Variants in SYNE1 observed in about 807,000 individuals in gnomAD.
The protein encoded by SYNE1 is spectrin repeat containing nuclear envelope protein 1, also known as nesprin-1.
Under a neutral mutation model 1,111.0 loss-of-function variants are expected in SYNE1, and 616 were observed. That is an observed-to-expected ratio of 0.55 (90% CI 0.52 to 0.59). The LOEUF (loss-of-function observed/expected upper bound fraction) is 0.59. Ranked by LOEUF, SYNE1 falls within the 20% of genes least tolerant of loss-of-function variation. The probability of loss-of-function intolerance (pLI) is 0.00; values close to 1 mark genes in which losing one functional copy is unlikely to be tolerated. For synonymous variants in SYNE1, 3,855 were observed against 3,825.8 expected (o/e 1.01, Z -0.28); for missense variants, 10,006 against 10,417.0 (o/e 0.96, Z 1.72).
intron 64 of SYNE1, among the ~76,000 whole-genome samples, 199 bp from the exon 65 acceptor site, chr6:152,359,657 T>A (rs890639007): frequency 1.3e-5 from 2 of 151,978 alleles, no homozygotes; most frequent in African/African-American, 4.8e-5. Context: ...TGTGTGTATT[T>A]TATGTCTGGT....
chr6:152,441,940 G>A, intron 31 of SYNE1, 135 bp downstream of exon 31: 1 of 1,066,900 alleles, frequency 9.4e-7, no homozygotes, highest in South Asian at 1.3e-5. Flanking sequence ...TTAAAAGATG[G>A]TTCATGTACA....
intron 3 of SYNE1, among the ~76,000 whole-genome samples, chr6:152,596,333 C>T (rs1161718888): frequency 6.8e-6 from 1 of 146,522 alleles, no homozygotes; most frequent in South Asian, 2.1e-4. Context: ...CTCACTGAAA[C>T]CTTCACCTCC....
chr6:152,610,089 C>T (rs2623977), intron 3 of SYNE1, among the ~76,000 whole-genome samples: 108,876 of 152,106 alleles, frequency 0.72, 39,063 homozygotes, highest in East Asian at 0.81. Context: ...GCCTCTTCTC[C>T]TCCAAAGGAT....
intron 3 of SYNE1, among the ~76,000 whole-genome samples, chr6:152,541,321 T>C (rs184222131): frequency 1.2e-4 from 19 of 152,336 alleles, no homozygotes; most frequent in Admixed American, 1.2e-3. Context: ...TTTATGGTTC[T>C]TCTGGTAGAG....
At chr6:152,262,927 C>T (rs940138724) in intron 100 of SYNE1, among the ~76,000 whole-genome samples, 5 of 150,166 alleles carry the variant, frequency 3.3e-5, no homozygotes, top group Admixed American at 2.0e-4. Flanking sequence ...GAAGGTAGCA[C>T]AGGACACGGG....
chr6:152,210,991 A>C (rs1285928185), intron 124 of SYNE1, among the ~76,000 whole-genome samples: 1 of 152,194 alleles, frequency 6.6e-6, no homozygotes, highest in Non-Finnish European at 1.5e-5. Context: ...TACTGACTGA[A>C]AACCAGACAT....
intron 130 of SYNE1, among the ~76,000 whole-genome samples, chr6:152,167,129 T>G (rs1186224636): frequency 6.6e-6 from 1 of 152,220 alleles, no homozygotes; most frequent in African/African-American, 2.4e-5. Flanking sequence ...CAGCTTATGG[T>G]TCTTTCACAG....
rs562448987 is a variant in SYNE1 at position 152,627,930 on chromosome 6, T to C, written c.67+335A>G. Reference sequence around the variant, plus strand: ...CATAATCTATCAAAACAACTGAGGATGTATTGTCACTGGTATTATTGAACA... The same window carrying C: ...CATAATCTATCAAAACAACTGAGGACGTATTGTCACTGGTATTATTGAACA... On this transcript the variant is annotated intron_variant, in intron 3 of 145. Coordinates refer to ENST00000367255, the MANE Select transcript of SYNE1 (RefSeq NM_182961.4). 6.2e-4 allele frequency among the ~76,000 whole-genome samples: 95 copies of C among 152,258 alleles called. 1 individual carries two copies. The highest frequency in any genetic ancestry group is 2.2e-3 in the African/African-American group (90 of 41,542).
At chr6:152,165,727 G>A (rs1169903688) in intron 130 of SYNE1, among the ~76,000 whole-genome samples, 2 of 152,182 alleles carry the variant, frequency 1.3e-5, no homozygotes, top group East Asian at 3.9e-4. Flanking sequence ...ACACTTCAAG[G>A]CATTGGCCTT....
intron 91 of SYNE1, among the ~76,000 whole-genome samples, chr6:152,307,899 C>T (rs2095426616): frequency 6.6e-6 from 1 of 152,196 alleles, no homozygotes; most frequent in Non-Finnish European, 1.5e-5. Flanking sequence ...GTGGCGCGAT[C>T]TTGGCTCACT....
chr6:152,378,676 C>T (rs1351612236), intron 56 of SYNE1, among the ~76,000 whole-genome samples: 1 of 152,152 alleles, frequency 6.6e-6, no homozygotes, highest in Non-Finnish European at 1.5e-5. Context: ...CTCTACCTCA[C>T]CTGTCAGGTC....
In SYNE1 at chr6:152,444,429, C is replaced by T. The variant is rs1255284498; in HGVS notation, c.3819G>A (p.Gln1273=). 6.2e-7 allele frequency: 1 copy of T among 1,613,862 alleles called. No individual in the cohort carries two copies. Among genetic ancestry groups the T allele is most frequent in the East Asian group, 2.2e-5 (1 of 44,848 alleles). The change falls in exon 30 of 146, where the codon CAG becomes CAA. Residue 1273 remains glutamine, a synonymous_variant. Transcript: ENST00000367255. ...TTTTTACCTGGTGATGAAGAAGTAACTGCTGTGCTTCAAACAGATTTTCAG... is the reference window on the plus strand; with the variant it reads ...TTTTTACCTGGTGATGAAGAAGTAATTGCTGTGCTTCAAACAGATTTTCAG... ...LDTENLFEAQ[Q]LLLHHQQKTK... is the part of the protein sequence containing the mutation.
chr6:152,463,295 T>G, intron 19 of SYNE1, 58 bp downstream of exon 19: 1 of 1,610,562 alleles, frequency 6.2e-7, no homozygotes, highest in Non-Finnish European at 8.5e-7. Flanking sequence ...CTAAACAGAC[T>G]ACTTATCACA....
chr6:152,559,986 A>G (rs2099389772), intron 3 of SYNE1, among the ~76,000 whole-genome samples: 1 of 152,236 alleles, frequency 6.6e-6, no homozygotes, highest in Non-Finnish European at 1.5e-5. Flanking sequence ...GAACAATTGT[A>G]TATCAACAAA....
At chr6:152,362,450 A>G (rs893902144) in intron 63 of SYNE1, 127 bp from the exon 64 acceptor site, 4 of 1,292,282 alleles carry the variant, frequency 3.1e-6, no homozygotes, top group Non-Finnish European at 4.4e-6. Flanking sequence ...CTTGCTTGGG[A>G]GTGAGCAGGC....
chr6:152,331,190 C>A lies in SYNE1; in HGVS notation c.13495G>T (p.Ala4499Ser). ...VSKQVKTCKSAQASLKTYQNE... is the reference protein window; with the variant it reads ...VSKQVKTCKSSQASLKTYQNE... The stretch of plus-strand genomic sequence containing the variant: ...TGGTAAGTCTTGAGGCTGGCTTGTG[C>A]ACTCTTACATGTTTTGACTTGTTTG... The change falls in exon 78 of 146, where the codon GCA becomes TCA. Residue 4499 changes from alanine to serine, a missense_variant. Physicochemically the swap from Ala to Ser is moderately conservative, Grantham distance 99 (BLOSUM62 1). Coordinates refer to ENST00000367255, the MANE Select transcript of SYNE1 (RefSeq NM_182961.4). The A allele has an allele frequency of 6.2e-7, 1 of 1,613,870 alleles. No homozygotes were observed. Among genetic ancestry groups the A allele is most frequent in the Non-Finnish European group, 8.5e-7 (1 of 1,180,032 alleles).
At chr6:152,368,604 A>G (rs1183454176) in intron 61 of SYNE1, 1 of 215,744 alleles carries the variant, frequency 4.6e-6, no homozygotes, top group Non-Finnish European at 9.5e-6. Context: ...ATTATTTAGA[A>G]CAAAAACTCT....
At chr6:152,634,643 T>A (rs1057499057) in intron 2 of SYNE1, among the ~76,000 whole-genome samples, 1 of 152,148 alleles carries the variant, frequency 6.6e-6, no homozygotes, top group Non-Finnish European at 1.5e-5. Context: ...AGAGTAACAA[T>A]AAGAAATGAT....
In SYNE1 at chr6:152,122,437, C is replaced by T. The variant is rs761433571; in HGVS notation, c.26393G>A (p.Ter8798=). 3 of 1,614,090 alleles carry T rather than the reference C, an allele frequency of 1.9e-6. No homozygotes were observed. The highest frequency in any genetic ancestry group is 1.7e-6 in the Non-Finnish European group (2 of 1,180,036). ...LRYTNGPPPL[*] is the part of the protein sequence containing the mutation. ...TTCTGCAGATGGCATCTGCTTAGTT[C>T]AGAGTGGAGGAGGGCCATTCGTGTA... is the stretch of plus-strand genomic sequence containing the variant. Residue 8798 remains the stop codon, a stop_retained_variant, in exon 146 of 146, where the codon TGA becomes TAA. Transcript: ENST00000367255.
Sources: gnomAD v4.1 joint callset for allele counts (sites outside exome capture counted in the v4.1 genomes callset) on GRCh38, gnomAD v4.1.1 for gene constraint, MANE v1.5 for transcripts, NCBI Gene and HGNC (gene_info 2026-07-23, HGNC 2026-07-21) for gene names.